SNX25: variants seen among roughly 807,000 people sequenced by gnomAD.
The protein encoded by SNX25 is sorting nexin 25.
SNX25 carries 62 observed loss-of-function variants against 113.7 expected under a neutral mutation model. That is an observed-to-expected ratio of 0.55 (90% confidence interval 0.44 to 0.67). The LOEUF is 0.67. Ranked by LOEUF, SNX25 falls within the 30% of genes least tolerant of loss-of-function variation. SNX25 has a pLI of 0.00. For synonymous variants in SNX25, 421 were observed against 436.2 expected (o/e 0.97, Z 0.43); for missense variants, 1,014 against 1,161.0 (o/e 0.87, Z 1.84).
At chr4:185,309,535 A>C (rs939563895) in intron 6 of SNX25, among the ~76,000 whole-genome samples, 1 of 152,188 alleles carries the variant, frequency 6.6e-6, no homozygotes, top group African/African-American at 2.4e-5. Context: ...CTAGCTTAGT[A>C]ATTGGCCCCA....
chr4:185,284,510 AGCATGAGACTGTAGTTTTGAGAGG>A (rs1440278101), intron 5 of SNX25, among the ~76,000 whole-genome samples: 3 of 152,214 alleles, frequency 2.0e-5, no homozygotes, highest in Non-Finnish European at 4.4e-5. Context: ...CAGGAAACAA[AGCATGAGACTGTAGTTTTGAGAGG>A]GCAATATAGA....
exon 12 of SNX25, chr4:185,369,841 C>T (rs527704263): frequency 1.5e-4 from 60 of 413,536 alleles, no homozygotes; most frequent in South Asian, 8.4e-4. Flanking sequence ...AAAAGATCCT[C>T]GGGTGATTTT....
At chr4:185,204,819 G>A (rs748004493), upstream of SNX25, among the ~76,000 whole-genome samples, 6 of 152,244 alleles carry the variant, frequency 3.9e-5, no homozygotes, top group Non-Finnish European at 7.3e-5. Flanking sequence ...GCAGGTAGAA[G>A]CTGCAAAAGG....
At chr4:185,251,891 G>A (rs1472935975) in intron 2 of SNX25, among the ~76,000 whole-genome samples, 1 of 150,916 alleles carries the variant, frequency 6.6e-6, no homozygotes, top group Non-Finnish European at 1.5e-5. Flanking sequence ...TTTCTATTCA[G>A]TGATTTCTTC....
intron 6 of SNX25, among the ~76,000 whole-genome samples, chr4:185,301,431 A>C (rs550366932): frequency 6.6e-6 from 1 of 151,812 alleles, no homozygotes; most frequent in Non-Finnish European, 1.5e-5. Flanking sequence ...TCACTCTGTC[A>C]CCCAGGCTGG....
intron 1 of SNX25, among the ~76,000 whole-genome samples, chr4:185,222,917 T>G (rs1200457856): frequency 6.6e-6 from 1 of 152,226 alleles, no homozygotes; most frequent in East Asian, 1.9e-4. Flanking sequence ...AAAGGTTCTT[T>G]GGAACAATGT....
Position 185,221,958 on chromosome 4 carries a change from C to G in SNX25, c.429+11703C>G, listed in dbSNP as rs150329297. Among the ~76,000 whole-genome samples, 1,499 of 152,104 alleles carry G rather than the reference C, an allele frequency of 9.9e-3. 12 individuals carry two copies. The highest frequency in any genetic ancestry group is 0.014 in the Non-Finnish European group (946 of 67,970). ...TAGATATATAGCACCATATACCCCT[C>G]CTTCACGGTAGGAATATAGCGCCAT... On this transcript the variant is annotated intron_variant, in intron 1 of 18. Coordinates refer to ENST00000652585, the MANE Select transcript of SNX25 (RefSeq NM_001378034.2).
chr4:185,220,691 A>G (rs914274274), intron 1 of SNX25, among the ~76,000 whole-genome samples: 1 of 152,004 alleles, frequency 6.6e-6, no homozygotes, highest in African/African-American at 2.4e-5. Flanking sequence ...CATGTTAGCC[A>G]GGATGGTCTC....
intron 1 of SNX25, among the ~76,000 whole-genome samples, chr4:185,234,630 C>T (rs1288350809): frequency 5.4e-5 from 1 of 18,576 alleles, no homozygotes; most frequent in African/African-American, 1.5e-4. Flanking sequence ...TGCAGTGAGC[C>T]GAGATCGCGC....
intron 3 of SNX25, among the ~76,000 whole-genome samples, chr4:185,262,175 G>A (rs557190847): frequency 7.2e-5 from 11 of 152,262 alleles, no homozygotes; most frequent in African/African-American, 1.7e-4. Flanking sequence ...AAAACAACAC[G>A]TCCTTTAGTT....
intron 1 of SNX25, among the ~76,000 whole-genome samples, chr4:185,240,144 G>C (rs1743496261): frequency 6.6e-6 from 1 of 151,872 alleles, no homozygotes; most frequent in Non-Finnish European, 1.5e-5. Flanking sequence ...AGAACAAAAT[G>C]AAAAGTCTCC....
intron 7 of SNX25, among the ~76,000 whole-genome samples, chr4:185,319,002 C>T (rs1386363428): frequency 1.3e-5 from 2 of 152,000 alleles, no homozygotes; most frequent in Admixed American, 1.3e-4. Context: ...TTGACTGTTG[C>T]CCTGCCTGCT....
chr4:185,261,310 G>A (rs1474352657), intron 3 of SNX25, among the ~76,000 whole-genome samples: 1 of 152,090 alleles, frequency 6.6e-6, no homozygotes, highest in African/African-American at 2.4e-5. Context: ...CTGAGTAGCT[G>A]GGATTATAGG....
chr4:185,358,854 A>G (rs2095350255), intron 16 of SNX25, among the ~76,000 whole-genome samples: 1 of 152,234 alleles, frequency 6.6e-6, no homozygotes, highest in Admixed American at 6.5e-5. Flanking sequence ...AAGTTTTAAG[A>G]TGAAATTATC....
intron 7 of SNX25, among the ~76,000 whole-genome samples, chr4:185,311,262 T>C (rs961124152): frequency 6.6e-6 from 1 of 152,234 alleles, no homozygotes; most frequent in African/African-American, 2.4e-5. Context: ...TGGGTTTAAG[T>C]ATCTTGCCTA....
chr4:185,367,096 C>A, downstream of SNX25: 3 of 1,189,968 alleles, frequency 2.5e-6, no homozygotes, highest in Non-Finnish European at 3.7e-6. Context: ...TTGTGATGTG[C>A]AAAATAACCA....
At chr4:185,374,024 G>A (rs1480416241), downstream of SNX25, 2 of 838,752 alleles carry the variant, frequency 2.4e-6, no homozygotes, top group African/African-American at 3.5e-5. Flanking sequence ...TACATTTAAA[G>A]GAACTATAAG....
chr4:185,211,028 C>T (rs1181615530), intron 1 of SNX25, among the ~76,000 whole-genome samples: 2 of 152,114 alleles, frequency 1.3e-5, no homozygotes, highest in African/African-American at 4.8e-5. Flanking sequence ...TTATTCTATC[C>T]CAGCTTAACA....
At chr4:185,207,361 C>G (rs1188620303), upstream of SNX25, among the ~76,000 whole-genome samples, 1 of 151,856 alleles carries the variant, frequency 6.6e-6, no homozygotes, top group South Asian at 2.1e-4. Flanking sequence ...GGACTACAGG[C>G]GCACACCACC....
Sources: gnomAD v4.1 joint callset for allele counts (sites outside exome capture counted in the v4.1 genomes callset) on GRCh38, gnomAD v4.1.1 for gene constraint, MANE v1.5 for transcripts, NCBI Gene and HGNC (gene_info 2026-07-23, HGNC 2026-07-21) for gene names.